The following NXPE2 variants were observed in gnomAD, a reference collection of about 807,000 sequenced individuals.
NXPE2 encodes the protein NXPE family member 2.
NXPE2 carries 34 observed loss-of-function variants against 34.4 expected under a neutral mutation model. The ratio of observed to expected loss-of-function variants is 0.99; its 90% CI spans 0.75 to 1.31. The LOEUF is 1.31. NXPE2 is among the 40% of genes most tolerant of loss of function. The probability of loss-of-function intolerance (pLI) is 0.00; values close to 1 mark genes in which losing one functional copy is unlikely to be tolerated. For missense variants in NXPE2, 649 were observed against 672.5 expected, an observed-to-expected ratio of 0.97 and a Z score of 0.39; for synonymous variants, 235 against 231.3, an observed-to-expected ratio of 1.02 and a Z score of -0.15.
upstream of NXPE2, among the ~76,000 whole-genome samples, chr11:114,674,056 G>A (rs1431685425): frequency 6.6e-6 from 1 of 151,628 alleles, no homozygotes; most frequent in Non-Finnish European, 1.5e-5. Flanking sequence ...CAAAAGGAGA[G>A]AAGGGGCCTC....
At chr11:114,706,325 A>G (rs1951471752) in intron 5 of NXPE2, 70 bp from the exon 6 acceptor site, 2 of 1,269,328 alleles carry the variant, frequency 1.6e-6, no homozygotes, top group Non-Finnish European at 1.1e-6. Flanking sequence ...AATTTTATAC[A>G]TGTTGTGTGC....
the NXPE2 span, among the ~76,000 whole-genome samples, chr11:114,721,766 GAA>G: frequency 7.9e-5 from 12 of 152,094 alleles, no homozygotes; most frequent in Admixed American, 6.6e-4. Flanking sequence ...GGAAGAGAGA[GAA>G]GATAAATAAT....
At chr11:114,495,360 T>A in the NXPE2 span, among the ~76,000 whole-genome samples, 1 of 152,070 alleles carries the variant, frequency 6.6e-6, no homozygotes, top group South Asian at 2.1e-4. Context: ...GGCCCGGGCC[T>A]ATAGTTGAGA....
chr11:114,571,491 A>G, the NXPE2 span: 1 of 1,566,272 alleles, frequency 6.4e-7, no homozygotes, highest in Non-Finnish European at 8.7e-7. Flanking sequence ...CAAATAGGCA[A>G]TCCCAAAATA....
chr11:114,777,538 G>A, the NXPE2 span, among the ~76,000 whole-genome samples: 1 of 152,288 alleles, frequency 6.6e-6, no homozygotes, highest in East Asian at 1.9e-4. Flanking sequence ...TCCTGGGAGT[G>A]TTGAAGACAG....
the NXPE2 span, among the ~76,000 whole-genome samples, chr11:114,808,936 A>T: frequency 3.4e-4 from 52 of 152,292 alleles, no homozygotes; most frequent in Middle Eastern, 3.4e-3. Context: ...TTGATGCAAA[A>T]ATCCTCAGTA....
the NXPE2 span, among the ~76,000 whole-genome samples, chr11:114,549,940 G>A: frequency 6.6e-6 from 1 of 151,756 alleles, no homozygotes; most frequent in Non-Finnish European, 1.5e-5. Context: ...ATAGAGAGAA[G>A]CTAAAATGGA....
chr11:114,720,760 G>T, the NXPE2 span, among the ~76,000 whole-genome samples: 1 of 152,012 alleles, frequency 6.6e-6, no homozygotes, highest in Non-Finnish European at 1.5e-5. Flanking sequence ...TTTTAAAATA[G>T]GTTTACTGGG....
chr11:114,700,085 C>T (rs184165290), intron 3 of NXPE2, among the ~76,000 whole-genome samples: 10 of 152,184 alleles, frequency 6.6e-5, no homozygotes, highest in African/African-American at 2.4e-4. Flanking sequence ...TGAGCCATCA[C>T]GCCCAGCCCA....
the NXPE2 span, among the ~76,000 whole-genome samples, chr11:114,493,781 G>A: frequency 6.6e-6 from 1 of 151,832 alleles, no homozygotes; most frequent in African/African-American, 2.4e-5. Flanking sequence ...GTATTTTTCT[G>A]TGTTTTTACT....
the NXPE2 span, among the ~76,000 whole-genome samples, chr11:114,665,814 A>G: frequency 1.3e-5 from 2 of 152,188 alleles, no homozygotes; most frequent in Non-Finnish European, 2.9e-5. Flanking sequence ...CCTTCCTATC[A>G]CATTACTGTA....
chr11:114,526,185 C>T, the NXPE2 span, among the ~76,000 whole-genome samples: 4 of 152,158 alleles, frequency 2.6e-5, no homozygotes, highest in South Asian at 2.1e-4. Flanking sequence ...AACAGATTCT[C>T]CCCTGGAGCC....
At chr11:114,751,219 A>T in the NXPE2 span, among the ~76,000 whole-genome samples, 3 of 152,204 alleles carry the variant, frequency 2.0e-5, no homozygotes, top group African/African-American at 7.2e-5. Flanking sequence ...GTCCCAGCCA[A>T]CTGCAAAGGA....
the NXPE2 span, chr11:114,583,795 T>C: frequency 5.0e-5 from 22 of 441,958 alleles, no homozygotes; most frequent in Non-Finnish European, 9.3e-5. Flanking sequence ...ACCATGATGA[T>C]GGCATGGAAG....
chr11:114,682,529 G>A (rs564498486), intron 2 of NXPE2, among the ~76,000 whole-genome samples: 8 of 152,140 alleles, frequency 5.3e-5, no homozygotes, highest in Middle Eastern at 3.4e-3. Context: ...AGCAGGACTT[G>A]GTGTTCTTTT....
chr11:114,801,653 C>G, the NXPE2 span, among the ~76,000 whole-genome samples: 3 of 151,740 alleles, frequency 2.0e-5, no homozygotes, highest in African/African-American at 7.3e-5. Context: ...TTGTGATAGA[C>G]CAGGATGTGA....
At chr11:114,679,386 C>T (rs527528267) in intron 1 of NXPE2, among the ~76,000 whole-genome samples, 2 of 151,894 alleles carry the variant, frequency 1.3e-5, no homozygotes, top group South Asian at 2.1e-4. Flanking sequence ...GCTGAGACCT[C>T]GACAAGAAAA....
chr11:114,655,376 G>A, the NXPE2 span, among the ~76,000 whole-genome samples: 3 of 152,146 alleles, frequency 2.0e-5, no homozygotes, highest in Non-Finnish European at 4.4e-5. Flanking sequence ...TGCTTTTGGT[G>A]TTTTAGTCAT....
the NXPE2 span, among the ~76,000 whole-genome samples, chr11:114,470,352 C>T: frequency 6.6e-6 from 1 of 152,126 alleles, no homozygotes. Flanking sequence ...TCCTTGCCAA[C>T]ATTTAATATG....
Sources: gnomAD v4.1 joint callset for allele counts (sites outside exome capture counted in the v4.1 genomes callset) on GRCh38, gnomAD v4.1.1 for gene constraint, MANE v1.5 for transcripts, NCBI Gene and HGNC (gene_info 2026-07-23, HGNC 2026-07-21) for gene names.